Variants in SLC16A5 observed in about 807,000 individuals in gnomAD.
The protein encoded by SLC16A5 is solute carrier family 16 member 5, also known as monocarboxylate transporter 6.
Under a neutral mutation model 33.2 loss-of-function variants are expected in SLC16A5, and 29 were observed. The ratio of observed to expected loss-of-function variants is 0.87; its 90% CI spans 0.65 to 1.19. SLC16A5 has a LOEUF of 1.19. Ranked by LOEUF, SLC16A5 falls within the 50% of genes most tolerant of loss-of-function variation. The pLI is 0.00. For synonymous variants in SLC16A5, 248 were observed against 284.1 expected, an observed-to-expected ratio of 0.87 and a Z score of 1.28; for missense variants, 606 against 678.2, an observed-to-expected ratio of 0.89 and a Z score of 1.18.
chr17:75,098,780 GA>G (rs1214147430), intron 4 of SLC16A5, among the ~76,000 whole-genome samples: 1 of 152,162 alleles, frequency 6.6e-6, no homozygotes, highest in Non-Finnish European at 1.5e-5. Flanking sequence ...ATGCAGGAGA[GA>G]GGGGACTTGC....
At chr17:75,104,974 C>A in intron 6 of SLC16A5, 1 of 985,482 alleles carries the variant, frequency 1.0e-6, no homozygotes, top group Non-Finnish European at 1.2e-6. Context: ...TTGTCTTTCT[C>A]TGGCCTCCAT....
At position 75,100,536 on chromosome 17, in the gene SLC16A5, C is replaced by T. The variant is rs761152713; in HGVS notation, c.873C>T (p.Ala291=). Residue 291 remains alanine, a synonymous_variant, in exon 5 of 7, where the codon GCC becomes GCT. Transcript: ENST00000329783. The part of the protein sequence containing the change: ...GFSNIFLRPL[A]GLMAGRPAFA... ...GCAACATCTTCCTGAGGCCCCTAGC[C>T]GGGCTGATGGCAGGACGGCCGGCCT... 1.2e-5 allele frequency: 19 copies of T among 1,614,094 alleles called. No individual in the cohort carries two copies. The highest frequency in any genetic ancestry group is 1.0e-4 in the Admixed American group (6 of 60,004).
At chr17:75,104,247 G>T in intron 6 of SLC16A5, 67 bp downstream of exon 6, 1 of 1,575,940 alleles carries the variant, frequency 6.3e-7, no homozygotes, top group Admixed American at 1.9e-5. Context: ...TGGGATCACT[G>T]AGTGAACACT....
At chr17:75,109,998 C>T (rs2145108273), downstream of SLC16A5, 1 of 351,880 alleles carries the variant, frequency 2.8e-6, no homozygotes, top group Non-Finnish European at 5.2e-6. The surrounding 1 kb of genome is among the most constrained non-coding windows in gnomAD (Gnocchi z 5.0). Context: ...GGGGACGGTG[C>T]GCCAGTGCCC....
At chr17:75,098,310 C>G (rs528434231) in intron 4 of SLC16A5, 129 bp downstream of exon 4, 2 of 1,261,546 alleles carry the variant, frequency 1.6e-6, no homozygotes, top group Non-Finnish European at 1.1e-6. Flanking sequence ...CACCTGTTAT[C>G]CCAGCACTTT....
chr17:75,093,106 G>A (rs1012334766), intron 2 of SLC16A5, among the ~76,000 whole-genome samples: 1 of 152,058 alleles, frequency 6.6e-6, no homozygotes, highest in Non-Finnish European at 1.5e-5. Flanking sequence ...TAACTTTGCT[G>A]CTTCTGAGGC....
chr17:75,093,916 T>C (rs1226030205), intron 3 of SLC16A5, 81 bp downstream of exon 3: 3 of 1,530,580 alleles, frequency 2.0e-6, no homozygotes, highest in Non-Finnish European at 2.6e-6. Flanking sequence ...TCTGATTCCC[T>C]CTCTCTGAGG....
intron 4 of SLC16A5, among the ~76,000 whole-genome samples, chr17:75,098,732 C>T (rs897553544): frequency 1.3e-5 from 2 of 151,702 alleles, no homozygotes; most frequent in South Asian, 2.1e-4. Flanking sequence ...GGAGAAATAA[C>T]GAAGGAGAAG....
intron 2 of SLC16A5, among the ~76,000 whole-genome samples, chr17:75,092,169 G>T (rs2073647535): frequency 6.6e-6 from 1 of 152,058 alleles, no homozygotes; most frequent in African/African-American, 2.4e-5. Context: ...GTGTTTGTGT[G>T]TAACTGTGTG....
chr17:75,108,956 T>C (rs905649452), downstream of SLC16A5, among the ~76,000 whole-genome samples: 1 of 152,096 alleles, frequency 6.6e-6, no homozygotes, highest in African/African-American at 2.4e-5. Context: ...GTCCGGGTTT[T>C]TTTGTTCTGT....
intron 5 of SLC16A5, among the ~76,000 whole-genome samples, chr17:75,102,410 A>T (rs1426037252): frequency 2.0e-5 from 3 of 151,992 alleles, no homozygotes; most frequent in Admixed American, 2.0e-4. Flanking sequence ...TCCAACTCGA[A>T]AAAAATAAAA....
chr17:75,104,382 G>A, intron 6 of SLC16A5: 1 of 1,403,732 alleles, frequency 7.1e-7, no homozygotes, highest in Non-Finnish European at 9.2e-7. Context: ...CTGGGACTTT[G>A]GAGGCTGGCC....
chr17:75,104,085 G>A lies in SLC16A5; in HGVS notation c.1269G>A (p.Glu423=), dbSNP rs1442917756. The A allele has an allele frequency of 1.2e-6, 2 of 1,614,120 alleles. No individual in the cohort carries two copies. The highest frequency in any genetic ancestry group is 1.7e-6 in the Non-Finnish European group (2 of 1,180,048). ...GCTTCTACGCCCTGCAGAAGAAGGA[G>A]CAAGGCAAGCAGGCTGTCGCGGCGG... is the stretch of plus-strand genomic sequence containing the variant. The part of the protein sequence containing the change: ...GGSFYALQKK[E]QGKQAVAADA... The change falls in exon 6 of 7, where the codon GAG becomes GAA. Residue 423 remains glutamate (E), a synonymous_variant. Coordinates refer to ENST00000329783, the MANE Select transcript of SLC16A5 (RefSeq NM_004695.4).
chr17:75,106,057 A>C lies in SLC16A5; in HGVS notation c.*24A>C. The C allele has an allele frequency of 7.7e-7, 1 of 1,299,912 alleles. No individual in the cohort carries two copies. Among genetic ancestry groups the C allele is most frequent in the Non-Finnish European group, 1.1e-6 (1 of 924,604 alleles). The allele number at this position is 1,299,912 out of a possible 1,614,324, so 80.5% of individuals were successfully genotyped here. A position where few individuals can be genotyped will look rare whatever the true frequency, so the allele number is the denominator to read the frequency against. ...GAGTGCCCTGTTTGACTCCGCCACT[A>C]TCTGCCATGTGAGTTGGGCAAATTG... On this transcript the variant is annotated 3_prime_UTR_variant, in exon 7 of 7. Transcript: ENST00000329783.
In SLC16A5 at chr17:75,104,167, T is replaced by C. The variant is rs1041259977; in HGVS notation, c.1351T>C (p.Ser451Pro). 2 of 1,613,892 alleles carry C rather than the reference T, an allele frequency of 1.2e-6. No individual in the cohort carries two copies. The highest frequency in any genetic ancestry group is 2.7e-5 in the African/African-American group (2 of 74,888). ...EAKDGPGKQR[S>P]PEIMCQSSRQ... Reference sequence around the variant, plus strand: ...CAAAGACGGTCCTGGGAAGCAACGGTCCCCTGAGATCATGTATGTAACCAG... The same window carrying C: ...CAAAGACGGTCCTGGGAAGCAACGGCCCCCTGAGATCATGTATGTAACCAG... The change falls in exon 6 of 7, where the codon TCC (serine) becomes CCC (proline). Residue 451 changes from serine to proline, a missense_variant. By Grantham distance (74) the Ser-to-Pro change is moderately conservative. Coordinates refer to ENST00000329783, the MANE Select transcript of SLC16A5 (RefSeq NM_004695.4).
rs146260201 is a variant in SLC16A5, at chr17:75,104,572, C to T, written c.1364+392C>T. ...GTTCAAGCGATTCTCCTGCCTCTGC[C>T]CCCCAAGTAGCTGAGATTACAGGCA... is the stretch of plus-strand genomic sequence containing the variant. On this transcript the variant is annotated intron_variant, in intron 6 of 6. Coordinates refer to ENST00000329783, the MANE Select transcript of SLC16A5 (RefSeq NM_004695.4). 266 of 648,624 alleles carry T rather than the reference C, an allele frequency of 4.1e-4. 1 individual carries two copies. The highest frequency in any genetic ancestry group is 3.1e-3 in the African/African-American group (158 of 50,878). 40.2% of individuals were successfully genotyped at this position (648,624 alleles called of 1,614,324 possible).
intron 6 of SLC16A5, chr17:75,105,198 G>C (rs996787447): frequency 3.8e-5 from 37 of 985,288 alleles, no homozygotes; most frequent in Admixed American, 6.1e-5. Context: ...GGGGGCCCCT[G>C]GCTTGGATCC....
chr17:75,099,950 G>C, intron 4 of SLC16A5, 57 bp from the exon 5 acceptor site: 1 of 1,511,386 alleles, frequency 6.6e-7, no homozygotes, highest in South Asian at 1.2e-5. Context: ...CCCACCCCTG[G>C]GTGCAGGTGG....
intron 3 of SLC16A5, among the ~76,000 whole-genome samples, chr17:75,095,456 G>C (rs1050340867): frequency 6.6e-6 from 1 of 152,198 alleles, no homozygotes; most frequent in Non-Finnish European, 1.5e-5. Flanking sequence ...ATGAGCCCGT[G>C]CTCATTCAGA....
Sources: allele counts gnomAD v4.1 joint callset (sites outside exome capture counted in the v4.1 genomes callset), GRCh38; gene constraint gnomAD v4.1.1; non-coding constraint Gnocchi (gnomAD v3.1); transcripts MANE v1.5; gene names NCBI Gene and HGNC (gene_info 2026-07-23, HGNC 2026-07-21).